The following DLGAP1 variants were observed in gnomAD, a reference collection of about 807,000 sequenced individuals.
The protein encoded by DLGAP1 is disks large-associated protein 1.
In DLGAP1, 11 loss-of-function variants were observed where a neutral mutation model predicts 90.8. The observed-to-expected ratio is 0.12, with a 90% CI of 0.08 to 0.20. The LOEUF is 0.20. DLGAP1 is among the 10% of genes least tolerant of loss of function. The pLI, the probability that DLGAP1 is intolerant of heterozygous loss-of-function variation, is 1.00. For missense variants in DLGAP1, 1,050 were observed against 1,333.8 expected, an observed-to-expected ratio of 0.79 and a Z score of 3.31; for synonymous variants, 558 against 540.7, an observed-to-expected ratio of 1.03 and a Z score of -0.44.
chr18:4,121,388 G>A (rs116787559), intron 2 of DLGAP1, among the ~76,000 whole-genome samples: 2,270 of 152,120 alleles, frequency 0.015, 59 homozygotes, highest in African/African-American at 0.052. Context: ...CTTCTCCTAG[G>A]CCCATCCAGG....
At chr18:3,819,118 T>G (rs1393412164) in intron 4 of DLGAP1, among the ~76,000 whole-genome samples, 3 of 151,654 alleles carry the variant, frequency 2.0e-5, no homozygotes, top group Non-Finnish European at 4.4e-5. Flanking sequence ...AAGTCCAGCC[T>G]GGCCAACATA....
intron 3 of DLGAP1, among the ~76,000 whole-genome samples, chr18:3,926,793 A>G (rs2072402138): frequency 1.3e-5 from 2 of 152,102 alleles, no homozygotes. Flanking sequence ...AGCACCCAGG[A>G]GTTGAGTTGT....
chr18:3,536,760 G>A (rs900974681), intron 9 of DLGAP1, among the ~76,000 whole-genome samples: 1 of 152,172 alleles, frequency 6.6e-6, no homozygotes, highest in Non-Finnish European at 1.5e-5. Context: ...TTACATGGAT[G>A]TCCATGAGAT....
intron 7 of DLGAP1, among the ~76,000 whole-genome samples, chr18:3,694,035 C>A (rs1032458682): frequency 2.9e-5 from 4 of 135,912 alleles, no homozygotes; most frequent in African/African-American, 1.2e-4. Context: ...CCCCTAGCCA[C>A]CCCCCCCTCA....
At chr18:4,287,791 G>A (rs1347504903) in intron 1 of DLGAP1, among the ~76,000 whole-genome samples, 2 of 151,766 alleles carry the variant, frequency 1.3e-5, no homozygotes, top group African/African-American at 4.8e-5. Flanking sequence ...CATGGCACAT[G>A]TATACCTATG....
intron 3 of DLGAP1, chr18:3,986,342 T>C (rs915916404): frequency 6.6e-6 from 1 of 152,200 alleles, no homozygotes; most frequent in Non-Finnish European, 1.5e-5. Flanking sequence ...TCATTTTCTA[T>C]CCTTCAACTT....
At chr18:4,372,919 C>T (rs185991450) in intron 1 of DLGAP1, among the ~76,000 whole-genome samples, 74 of 150,464 alleles carry the variant, frequency 4.9e-4, no homozygotes, top group African/African-American at 1.8e-3. Flanking sequence ...CAGAGCGAGA[C>T]TCCATCTCAA....
chr18:3,749,550 T>C (rs1294906193), intron 5 of DLGAP1, among the ~76,000 whole-genome samples: 3 of 152,176 alleles, frequency 2.0e-5, no homozygotes, highest in African/African-American at 4.8e-5. Flanking sequence ...CCTAATACTT[T>C]ATAATTGTTT....
intron 3 of DLGAP1, among the ~76,000 whole-genome samples, chr18:3,936,444 T>C (rs1287263472): frequency 6.6e-6 from 1 of 152,166 alleles, no homozygotes; most frequent in African/African-American, 2.4e-5. Flanking sequence ...TTTCCCCAAT[T>C]CCTCCTAATA....
chr18:3,513,549 C>G (rs916867038), intron 10 of DLGAP1, among the ~76,000 whole-genome samples: 2 of 152,210 alleles, frequency 1.3e-5, no homozygotes, highest in African/African-American at 4.8e-5. Flanking sequence ...CAAGCCTGAT[C>G]ACTGTCCCAC....
chr18:3,887,937 T>A (rs1300124172), intron 3 of DLGAP1, among the ~76,000 whole-genome samples: 1 of 150,876 alleles, frequency 6.6e-6, no homozygotes, highest in African/African-American at 2.4e-5. Context: ...TCAAACCCCG[T>A]CTCTACTAAA....
At chr18:4,080,631 C>G (rs1233917223) in intron 2 of DLGAP1, among the ~76,000 whole-genome samples, 1 of 152,202 alleles carries the variant, frequency 6.6e-6, no homozygotes, top group East Asian at 1.9e-4. Flanking sequence ...CATTTACCAT[C>G]TCTTCTTTCT....
At chr18:4,055,725 G>T (rs1268640141) in intron 2 of DLGAP1, among the ~76,000 whole-genome samples, 2 of 152,156 alleles carry the variant, frequency 1.3e-5, no homozygotes, top group Non-Finnish European at 2.9e-5. Context: ...ACTGTTTGGT[G>T]AACTGTACTA....
At chr18:4,411,281 C>T (rs921726015) in intron 1 of DLGAP1, among the ~76,000 whole-genome samples, 7 of 152,150 alleles carry the variant, frequency 4.6e-5, no homozygotes, top group Non-Finnish European at 8.8e-5. Flanking sequence ...ACAATGGAGA[C>T]CCATCATCAG....
At chr18:3,747,290 T>C (rs574195463) in intron 5 of DLGAP1, among the ~76,000 whole-genome samples, 2 of 152,202 alleles carry the variant, frequency 1.3e-5, no homozygotes, top group Non-Finnish European at 2.9e-5. Flanking sequence ...GTCAAGGTAA[T>C]ATTTTCCATG....
At chr18:3,756,055 AT>A (rs561278903) in intron 5 of DLGAP1, among the ~76,000 whole-genome samples, 96 of 147,198 alleles carry the variant, frequency 6.5e-4, no homozygotes, top group African/African-American at 7.7e-4. Flanking sequence ...ACTAAACATT[AT>A]TTTTTTTTTT....
chr18:4,056,406 G>T (rs368039359), intron 2 of DLGAP1, among the ~76,000 whole-genome samples: 1 of 152,282 alleles, frequency 6.6e-6, no homozygotes, highest in East Asian at 1.9e-4. Context: ...TGACATAAAT[G>T]TGGTAGATTC....
intron 4 of DLGAP1, among the ~76,000 whole-genome samples, chr18:3,861,528 TTGTG>T (rs1159231338): frequency 3.9e-5 from 6 of 152,166 alleles, no homozygotes; most frequent in African/African-American, 1.4e-4. Flanking sequence ...AGTTTGCTGA[TTGTG>T]TAGAGTCCAA....
At chr18:3,548,114 T>G (rs907242118) in intron 9 of DLGAP1, among the ~76,000 whole-genome samples, 3 of 152,194 alleles carry the variant, frequency 2.0e-5, no homozygotes, top group African/African-American at 7.2e-5. Flanking sequence ...CAGTGAGTAC[T>G]AATGGGTATG....
Sources: gnomAD v4.1 joint callset for allele counts (sites outside exome capture counted in the v4.1 genomes callset) on GRCh38, gnomAD v4.1.1 for gene constraint, MANE v1.5 for transcripts, NCBI Gene and HGNC (gene_info 2026-07-23, HGNC 2026-07-21) for gene names.